Variants in SPTLC3 observed in about 807,000 individuals in gnomAD.
The protein encoded by SPTLC3 is serine palmitoyltransferase long chain base subunit 3, also known as serine palmitoyltransferase 3.
A neutral mutation model predicts 59.3 loss-of-function variants in SPTLC3; 36 were observed. The observed-to-expected ratio is 0.61, with a 90% CI of 0.47 to 0.80. The LOEUF (loss-of-function observed/expected upper bound fraction) is 0.80, where lower values mean the gene tolerates loss of function less well. Ranked by LOEUF, SPTLC3 falls within the 30% of genes least tolerant of loss-of-function variation. The pLI, the probability that SPTLC3 is intolerant of heterozygous loss-of-function variation, is 0.00. For synonymous variants in SPTLC3, 257 were observed against 240.8 expected (o/e 1.07, Z -0.62); for missense variants, 625 against 685.1 (o/e 0.91, Z 0.98).
intron 2 of SPTLC3, among the ~76,000 whole-genome samples, chr20:13,071,654 A>G (rs543504219): frequency 6.6e-6 from 1 of 152,264 alleles, no homozygotes; most frequent in South Asian, 2.1e-4. Flanking sequence ...ATGACATTAG[A>G]CATGTCTTGC....
chr20:13,117,998 GAATAATT>G (rs1481379934), intron 8 of SPTLC3, among the ~76,000 whole-genome samples: 1 of 152,094 alleles, frequency 6.6e-6, no homozygotes, highest in African/African-American at 2.4e-5. Flanking sequence ...CCAGGCAGAG[GAATAATT>G]AACTCTGTTA....
intron 1 of SPTLC3, among the ~76,000 whole-genome samples, chr20:13,037,974 C>G (rs1336319457): frequency 1.3e-5 from 2 of 151,254 alleles, no homozygotes; most frequent in Non-Finnish European, 2.9e-5. Flanking sequence ...CACTCAGAGT[C>G]CATCAGCCAG....
Position 13,168,620 on chromosome 20 carries a change from TA to T in SPTLC3, c.*3754del, listed in dbSNP as rs2039014102. On this transcript the variant is annotated 3_prime_UTR_variant, in exon 12 of 12. Transcript: ENST00000399002. ...TCTTCAAACGAACAATATTCTTTTG[TA>T]TTTTTCTTCAGAGATAGCAAATGTT... The T allele has an allele frequency of 6.6e-6, 1 of 152,264 alleles. No homozygotes were observed. Among genetic ancestry groups the T allele is most frequent in the Non-Finnish European group, 1.5e-5 (1 of 68,046 alleles). The allele number at this position is 152,264 out of a possible 1,614,324, so 9.4% of individuals were successfully genotyped here.
intron 4 of SPTLC3, among the ~76,000 whole-genome samples, chr20:13,088,072 T>G (rs540349057): frequency 5.3e-5 from 8 of 152,352 alleles, no homozygotes; most frequent in South Asian, 4.1e-4. Flanking sequence ...AGTCTCCTCA[T>G]GCCCAGGCTG....
intron 1 of SPTLC3, among the ~76,000 whole-genome samples, chr20:13,040,314 C>A (rs527812010): frequency 6.6e-6 from 1 of 150,906 alleles, no homozygotes; most frequent in South Asian, 2.1e-4. Flanking sequence ...TATACAATTT[C>A]TTTTAAAATT....
At position 13,121,169 on chromosome 20, in the gene SPTLC3, C is replaced by T. The variant is rs182106647; in HGVS notation, c.1152+3444C>T. ...TTGAGTCCACCTGCATGCCTGGTGCCGAACACTGGCTCCCACAGCCTCCAC... is the reference window on the plus strand; with the variant it reads ...TTGAGTCCACCTGCATGCCTGGTGCTGAACACTGGCTCCCACAGCCTCCAC... On this transcript the variant is annotated intron_variant, in intron 8 of 11. Transcript: ENST00000399002. Among the ~76,000 whole-genome samples the T allele has an allele frequency of 1.8e-3, 268 of 152,304 alleles. 1 individual carries two copies. Among genetic ancestry groups the T allele is most frequent in the African/African-American group, 6.1e-3 (252 of 41,566 alleles).
In SPTLC3 at chr20:13,049,098, T is replaced by C. The variant is rs757704377; in HGVS notation, c.271T>C (p.Cys91Arg). 29 of 1,613,750 alleles carry C rather than the reference T, an allele frequency of 1.8e-5. No homozygotes were observed. Among genetic ancestry groups the C allele is most frequent in the Non-Finnish European group, 2.3e-5 (27 of 1,179,842 alleles). Reference protein sequence around the residue: ...DFLRNWGIEKCNAAVERKEQK... With the variant: ...DFLRNWGIEKRNAAVERKEQK... The stretch of plus-strand genomic sequence containing the variant: ...TTTAAGAAACTGGGGAATAGAAAAA[T>C]GCAACGCAGCTGTGGAAAGAAAAGA... The change falls in exon 2 of 12, where the codon TGC becomes CGC. Residue 91 changes from cysteine to arginine, a missense_variant. Coordinates refer to ENST00000399002, the MANE Select transcript of SPTLC3 (RefSeq NM_018327.4).
intron 1 of SPTLC3, among the ~76,000 whole-genome samples, chr20:13,019,636 A>T (rs1568565413): frequency 6.6e-6 from 1 of 152,190 alleles, no homozygotes; most frequent in Non-Finnish European, 1.5e-5. Flanking sequence ...TAAGTCCCAA[A>T]GTGTTCATCA....
chr20:13,087,297 G>A (rs530514896), intron 4 of SPTLC3, among the ~76,000 whole-genome samples: 22 of 152,278 alleles, frequency 1.4e-4, no homozygotes, highest in Non-Finnish European at 2.4e-4. Context: ...AAAGATTAAC[G>A]GTGGAGAAAG....
intron 4 of SPTLC3, among the ~76,000 whole-genome samples, chr20:13,087,801 G>A (rs1989052132): frequency 6.6e-6 from 1 of 152,168 alleles, no homozygotes; most frequent in African/African-American, 2.4e-5. Flanking sequence ...AACATTCTCA[G>A]TTCAACTTAA....
chr20:13,021,533 C>A (rs540765335), intron 1 of SPTLC3, among the ~76,000 whole-genome samples: 1 of 55,032 alleles, frequency 1.8e-5, no homozygotes, highest in Non-Finnish European at 3.2e-5. Flanking sequence ...CACCTCCCCC[C>A]ACCACAACAG....
rs759762058 is a variant in SPTLC3 at position 13,164,910 on chromosome 20, A to T, written c.*43A>T. The T allele has an allele frequency of 6.7e-7, 1 of 1,501,456 alleles. No homozygotes were observed. The highest frequency in any genetic ancestry group is 9.1e-7 in the Non-Finnish European group (1 of 1,094,188). The allele number at this position is 1,501,456 out of a possible 1,614,324, so 93.0% of individuals were successfully genotyped here. Reference sequence around the variant, plus strand: ...GACACATAAAGACTTTGCGAGAAAGACCTCCCTCCTTGCCTCACAAGGAAT... The same window carrying T: ...GACACATAAAGACTTTGCGAGAAAGTCCTCCCTCCTTGCCTCACAAGGAAT... On this transcript the variant is annotated 3_prime_UTR_variant, in exon 12 of 12. Coordinates refer to ENST00000399002, the MANE Select transcript of SPTLC3 (RefSeq NM_018327.4).
chr20:13,123,195 G>C (rs1028628450), intron 8 of SPTLC3, among the ~76,000 whole-genome samples: 1 of 152,118 alleles, frequency 6.6e-6, no homozygotes, highest in Non-Finnish European at 1.5e-5. Flanking sequence ...GCCAGGAGTG[G>C]TGGCACACGC....
At chr20:13,059,525 G>A (rs935189590) in intron 2 of SPTLC3, among the ~76,000 whole-genome samples, 9 of 152,142 alleles carry the variant, frequency 5.9e-5, no homozygotes, top group Admixed American at 2.6e-4. Flanking sequence ...CCTTTCACAT[G>A]CACAGCTATC....
intron 6 of SPTLC3, among the ~76,000 whole-genome samples, chr20:13,094,116 T>C (rs1412216296): frequency 2.0e-5 from 3 of 152,178 alleles, no homozygotes; most frequent in Admixed American, 6.5e-5. Flanking sequence ...CTATTTCTTC[T>C]TTTAGGGTCT....
intron 1 of SPTLC3, among the ~76,000 whole-genome samples, chr20:13,035,509 T>A (rs1466390127): frequency 1.3e-5 from 2 of 152,160 alleles, no homozygotes; most frequent in Non-Finnish European, 2.9e-5. Flanking sequence ...AGGTCAATGA[T>A]TAATTACACC....
intron 8 of SPTLC3, among the ~76,000 whole-genome samples, chr20:13,118,446 GT>G (rs1195600324): frequency 6.2e-5 from 3 of 48,026 alleles, no homozygotes; most frequent in Admixed American, 6.3e-4. Flanking sequence ...CAAGAGGTTT[GT>G]GGAAAAAAAA....
intron 1 of SPTLC3, among the ~76,000 whole-genome samples, chr20:13,020,131 A>C (rs1373573438): frequency 2.0e-5 from 3 of 152,204 alleles, no homozygotes; most frequent in African/African-American, 7.2e-5. Context: ...AAGGATTCAC[A>C]AATTGATCCA....
chr20:13,067,793 C>T (rs114576061), intron 2 of SPTLC3, among the ~76,000 whole-genome samples: 1 of 152,112 alleles, frequency 6.6e-6, no homozygotes, highest in Non-Finnish European at 1.5e-5. Flanking sequence ...CCAAGTTCTG[C>T]CTTAGAAACA....
Sources: gnomAD v4.1 joint callset for allele counts (sites outside exome capture counted in the v4.1 genomes callset) on GRCh38, gnomAD v4.1.1 for gene constraint, MANE v1.5 for transcripts, NCBI Gene and HGNC (gene_info 2026-07-23, HGNC 2026-07-21) for gene names.